The following ZSCAN5A variants were observed in gnomAD, a reference collection of about 807,000 sequenced individuals.
ZSCAN5A encodes zinc finger and SCAN domain containing 5A.
Under a neutral mutation model 23.7 loss-of-function variants are expected in ZSCAN5A, and 12 were observed. That is an observed-to-expected ratio of 0.51 (90% CI 0.32 to 0.82). The LOEUF is 0.82. Ranked by LOEUF, ZSCAN5A falls within the 40% of genes least tolerant of loss-of-function variation. The pLI, the probability that ZSCAN5A is intolerant of heterozygous loss-of-function variation, is 0.03. For synonymous variants in ZSCAN5A, 257 were observed against 239.9 expected, an observed-to-expected ratio of 1.07 and a Z score of -0.66; for missense variants, 597 against 617.9, an observed-to-expected ratio of 0.97 and a Z score of 0.36.
chr19:56,344,367 C>T lies in ZSCAN5A; in HGVS notation c.-358+18868G>A, dbSNP rs191032362. Among the ~76,000 whole-genome samples, 10 of 152,340 alleles carry T rather than the reference C, an allele frequency of 6.6e-5. No homozygotes were observed. In the East Asian group the frequency reaches 1.9e-3, roughly 29 times the overall value. ...AATGTCTTATTTATTAAAGATTACACAAGCAAAGGTCATTCTGTTTTGGCT... is the reference window on the plus strand; with the variant it reads ...AATGTCTTATTTATTAAAGATTACATAAGCAAAGGTCATTCTGTTTTGGCT... On this transcript the variant is annotated intron_variant, in intron 2 of 6. Coordinates refer to the ZSCAN5A transcript ENST00000587340.
At chr19:56,342,842 G>A (rs2147450639) in intron 2 of ZSCAN5A, 1 of 881,614 alleles carries the variant, frequency 1.1e-6, no homozygotes, top group Non-Finnish European at 1.9e-6. Flanking sequence ...CCTCTCAAAA[G>A]CACCCCCTGG....
intron 2 of ZSCAN5A, among the ~76,000 whole-genome samples, chr19:56,276,607 G>T (rs2038287158): frequency 6.6e-6 from 1 of 151,652 alleles, no homozygotes. Context: ...TGCGATCTGG[G>T]TTCACTGCAA....
intron 2 of ZSCAN5A, chr19:56,244,226 C>G: frequency 6.2e-7 from 1 of 1,606,206 alleles, no homozygotes; most frequent in Non-Finnish European, 8.5e-7. Context: ...CATCCAGGCT[C>G]TGAGGAAACT....
intron 2 of ZSCAN5A, among the ~76,000 whole-genome samples, chr19:56,253,062 C>T (rs2036461392): frequency 6.6e-6 from 1 of 152,168 alleles, no homozygotes; most frequent in Non-Finnish European, 1.5e-5. Flanking sequence ...ATTGCAGGGC[C>T]GGCACTGAAC....
intron 2 of ZSCAN5A, among the ~76,000 whole-genome samples, chr19:56,225,905 G>C: frequency 7.1e-6 from 1 of 140,858 alleles, no homozygotes; most frequent in South Asian, 2.3e-4. Context: ...TGTCTCTAAG[G>C]GTTTCTGTAT....
intron 2 of ZSCAN5A, among the ~76,000 whole-genome samples, chr19:56,270,761 G>T (rs1310423870): frequency 6.8e-6 from 1 of 146,788 alleles, no homozygotes; most frequent in Non-Finnish European, 1.5e-5. Flanking sequence ...GGCGGTGGTG[G>T]TTGGTGTGGG....
chr19:56,331,657 G>A (rs1314213945), intron 2 of ZSCAN5A, among the ~76,000 whole-genome samples: 5 of 127,456 alleles, frequency 3.9e-5, no homozygotes, highest in African/African-American at 9.5e-5. Context: ...GTGTGATCTC[G>A]GCTCACTGCA....
At chr19:56,231,756 A>G (rs575390449) in intron 2 of ZSCAN5A, among the ~76,000 whole-genome samples, 28 of 152,298 alleles carry the variant, frequency 1.8e-4, no homozygotes, top group East Asian at 1.2e-3. Context: ...ACTGCTGTGC[A>G]GCAGCTCCTC....
intron 2 of ZSCAN5A, among the ~76,000 whole-genome samples, chr19:56,326,055 C>T (rs996963025): frequency 5.9e-5 from 9 of 151,880 alleles, no homozygotes; most frequent in African/African-American, 2.2e-4. Flanking sequence ...GCCTCAGCCT[C>T]CTGAGTAGCT....
At chr19:56,240,446 G>T (rs549331493) in intron 2 of ZSCAN5A, among the ~76,000 whole-genome samples, 1 of 152,054 alleles carries the variant, frequency 6.6e-6, no homozygotes, top group Non-Finnish European at 1.5e-5. Context: ...GGAGTCCTTC[G>T]ACTTCTCCAT....
chr19:56,352,522 TTGGGTAAA>T lies in ZSCAN5A; in HGVS notation c.-358+10705_-358+10712del, dbSNP rs1379284824. Among the ~76,000 whole-genome samples, 8 of 152,144 alleles carry T rather than the reference TTGGGTAAA, an allele frequency of 5.3e-5. No homozygotes were observed. The highest frequency in any genetic ancestry group is 1.9e-4 in the African/African-American group (8 of 41,436). Reference sequence around the variant, plus strand: ...TGTAAAAGAAAAAATATTCTGACACTTGGGTAAATGGTGAGGAAGAATATTCAAGACAA... The same window carrying T: ...TGTAAAAGAAAAAATATTCTGACACTTGGTGAGGAAGAATATTCAAGACAA... On this transcript the variant is annotated intron_variant, in intron 2 of 6. Coordinates refer to the ZSCAN5A transcript ENST00000587340. This position sits in a 1 kb window ranked among gnomAD's most constrained non-coding sequence, Gnocchi z 4.2.
intron 2 of ZSCAN5A, among the ~76,000 whole-genome samples, chr19:56,328,508 G>T (rs1264444780): frequency 6.6e-6 from 1 of 151,636 alleles, no homozygotes; most frequent in Non-Finnish European, 1.5e-5. Flanking sequence ...TGGGCATGGT[G>T]GTGCGCACCT....
intron 2 of ZSCAN5A, chr19:56,297,565 T>A (rs1334101175): frequency 1.0e-6 from 1 of 974,828 alleles, no homozygotes; most frequent in African/African-American, 1.8e-5. Flanking sequence ...TCCTCATCTA[T>A]AAGACAGTGT....
At chr19:56,240,340 G>A (rs1332113999) in intron 2 of ZSCAN5A, among the ~76,000 whole-genome samples, 2 of 152,110 alleles carry the variant, frequency 1.3e-5, no homozygotes, top group East Asian at 3.9e-4. Context: ...TGTGGGCAGG[G>A]TTTCATTGGG....
intron 2 of ZSCAN5A, among the ~76,000 whole-genome samples, chr19:56,360,084 C>G (rs1295870304): frequency 6.6e-6 from 1 of 152,070 alleles, no homozygotes; most frequent in East Asian, 1.9e-4. Context: ...GGAAATCAGG[C>G]AAGACAAAGA....
chr19:56,240,193 T>C (rs73621028), intron 2 of ZSCAN5A, among the ~76,000 whole-genome samples: 9,189 of 148,888 alleles, frequency 0.062, 651 homozygotes, highest in African/African-American at 0.18. Context: ...AAAAAACCCA[T>C]AAAACCAAAC....
chr19:56,268,807 G>T (rs1026669877), intron 2 of ZSCAN5A, among the ~76,000 whole-genome samples: 4 of 151,874 alleles, frequency 2.6e-5, no homozygotes, highest in African/African-American at 9.7e-5. Context: ...CCTAGTCCCC[G>T]ACAACCACTA....
intron 2 of ZSCAN5A, chr19:56,298,167 G>A (rs1316536950): frequency 6.6e-6 from 1 of 151,904 alleles, no homozygotes; most frequent in Admixed American, 6.6e-5. Context: ...AAAAAATAGA[G>A]GAGAAACAAA....
At chr19:56,229,694 T>TGTC (rs1244794134) in intron 2 of ZSCAN5A, among the ~76,000 whole-genome samples, 1 of 152,228 alleles carries the variant, frequency 6.6e-6, no homozygotes, top group African/African-American at 2.4e-5. Context: ...CTGATGTCTA[T>TGTC]TAATAGTATG....
Sources: allele counts gnomAD v4.1 joint callset (sites outside exome capture counted in the v4.1 genomes callset), GRCh38; gene constraint gnomAD v4.1.1; non-coding constraint Gnocchi (gnomAD v3.1); transcripts MANE v1.5; gene names NCBI Gene and HGNC (gene_info 2026-07-23, HGNC 2026-07-21).